VCAN: variants seen among roughly 807,000 people sequenced by gnomAD.
VCAN encodes the protein versican core protein.
Under a neutral mutation model 245.5 loss-of-function variants are expected in VCAN, and 44 were observed. The ratio of observed to expected loss-of-function variants is 0.18; its 90% CI spans 0.14 to 0.23. The LOEUF (loss-of-function observed/expected upper bound fraction) is 0.23. Ranked by LOEUF, VCAN falls within the 10% of genes least tolerant of loss-of-function variation. The pLI, the probability that VCAN is intolerant of heterozygous loss-of-function variation, is 1.00. For synonymous variants in VCAN, 1,413 were observed against 1,437.0 expected (o/e 0.98, Z 0.38); for missense variants, 3,793 against 4,057.9 (o/e 0.93, Z 1.77).
intron 7 of VCAN, among the ~76,000 whole-genome samples, chr5:83,529,109 T>C (rs1447108613): frequency 6.6e-6 from 1 of 151,816 alleles, no homozygotes; most frequent in Non-Finnish European, 1.5e-5. Context: ...TACAATATAC[T>C]AACTACATTA....
intron 9 of VCAN, 48 bp from the exon 10 acceptor site, chr5:83,547,923 T>C (rs779261933): frequency 2.3e-6 from 3 of 1,327,298 alleles, no homozygotes; most frequent in East Asian, 2.3e-5. Flanking sequence ...ATGGAATTCT[T>C]TGATACTTTT....
rs550424601 is a variant in VCAN, at chr5:83,537,698, T to A, written c.4695T>A (p.Ala1565=). The change falls in exon 8 of 15, where the codon GCT becomes GCA. Residue 1565 remains alanine (A), a synonymous_variant. Transcript: ENST00000265077. ...CTCAGAAAATAGCCTTTGCAAGGGC[T>A]ACAGAAGTAACATTTGGTGAAGAGG... The part of the protein sequence containing the change: ...QESQKIAFAR[A]TEVTFGEEVE... 4.3e-6 allele frequency: 7 copies of A among 1,613,984 alleles called. No homozygotes were observed. In the South Asian group the frequency reaches 6.6e-5, roughly 15 times the overall value.
chr5:83,511,173 G>A (rs756089053), intron 5 of VCAN, among the ~76,000 whole-genome samples: 2 of 150,986 alleles, frequency 1.3e-5, no homozygotes, highest in Admixed American at 6.6e-5. Context: ...ACGGAGTCTC[G>A]CTGTGTCGCC....
intron 12 of VCAN, among the ~76,000 whole-genome samples, chr5:83,566,631 A>G (rs1748087382): frequency 6.6e-6 from 1 of 152,120 alleles, no homozygotes; most frequent in South Asian, 2.1e-4. Flanking sequence ...GACTTTGCAA[A>G]GAACTGGGAA....
intron 3 of VCAN, 79 bp from the exon 4 acceptor site, chr5:83,493,467 C>T (rs1445220257): frequency 6.4e-7 from 1 of 1,564,204 alleles, no homozygotes; most frequent in Non-Finnish European, 8.8e-7. Flanking sequence ...TAAGTTGATA[C>T]ATTGCTCCAA....
intron 5 of VCAN, among the ~76,000 whole-genome samples, chr5:83,500,664 G>T (rs987806898): frequency 6.6e-6 from 1 of 152,084 alleles, no homozygotes; most frequent in Non-Finnish European, 1.5e-5. Context: ...TTCTTCTACT[G>T]CCATAAACTC....
At chr5:83,484,915 A>G (rs756679411) in intron 2 of VCAN, among the ~76,000 whole-genome samples, 1 of 152,210 alleles carries the variant, frequency 6.6e-6, no homozygotes, top group Non-Finnish European at 1.5e-5. Flanking sequence ...AGGAAGAAAC[A>G]TCGTGTGTTT....
At position 83,537,507 on chromosome 5, in the gene VCAN, C is replaced by T; in HGVS notation, c.4504C>T (p.Pro1502Ser). The change falls in exon 8 of 15, where the codon CCC (proline) becomes TCC (serine). Residue 1502 changes from proline to serine, a missense_variant. Around this residue, in one of 5 missense-constraint regions of VCAN, gnomAD observed 3,182 missense variants for 3,250.3 expected, o/e 0.98. Coordinates refer to ENST00000265077, the MANE Select transcript of VCAN (RefSeq NM_004385.5). ...HFSGGEPDVF[P>S]TVPFHEEFES... ...TTCAGGTGGTGAGCCTGATGTTTTC[C>T]CCACAGTCCCATTCCATGAGGAATT... The T allele has an allele frequency of 1.9e-6, 3 of 1,613,826 alleles. No homozygotes were observed. The highest frequency in any genetic ancestry group is 2.2e-5 in the East Asian group (1 of 44,858).
chr5:83,525,257 A>G (rs1746250480), intron 7 of VCAN, among the ~76,000 whole-genome samples: 1 of 152,072 alleles, frequency 6.6e-6, no homozygotes, highest in Non-Finnish European at 1.5e-5. Context: ...ACAGTGGTTC[A>G]GGGGATACTG....
chr5:83,501,974 A>G (rs1745342277), intron 5 of VCAN, among the ~76,000 whole-genome samples: 1 of 152,104 alleles, frequency 6.6e-6, no homozygotes. Flanking sequence ...ATTCAACAAT[A>G]TTTTGTTCTT....
intron 12 of VCAN, among the ~76,000 whole-genome samples, chr5:83,567,975 C>T (rs1309289269): frequency 6.6e-6 from 1 of 152,124 alleles, no homozygotes; most frequent in East Asian, 1.9e-4. Flanking sequence ...TTTTTCCCTG[C>T]TAATTCCAAG....
rs564269247 is a variant in VCAN at position 83,530,707 on chromosome 5, C to T, written c.4004-6300C>T. Among the ~76,000 whole-genome samples, 139 of 152,082 alleles carry T rather than the reference C, an allele frequency of 9.1e-4. 1 individual carries two copies. The South Asian group carries it at 0.011, about 13-fold the overall frequency. On this transcript the variant is annotated intron_variant, in intron 7 of 14. Coordinates refer to ENST00000265077, the MANE Select transcript of VCAN (RefSeq NM_004385.5). ...TTAGTTTTTAAGTGGCTTTGTTAAG[C>T]GAATAGCTCCAAGAATGGGGCCCAG... is the stretch of plus-strand genomic sequence containing the variant.
chr5:83,548,642 C>T (rs889132706), intron 10 of VCAN, among the ~76,000 whole-genome samples: 1 of 152,142 alleles, frequency 6.6e-6, no homozygotes, highest in African/African-American at 2.4e-5. Flanking sequence ...CTCATGATCC[C>T]TGTAATTTGC....
intron 7 of VCAN, among the ~76,000 whole-genome samples, chr5:83,528,760 A>G (rs1746399617): frequency 6.6e-6 from 1 of 152,180 alleles, no homozygotes; most frequent in Non-Finnish European, 1.5e-5. Context: ...GGTTTATGAC[A>G]TCTTAATTCA....
intron 7 of VCAN, among the ~76,000 whole-genome samples, chr5:83,532,878 A>AT (rs1298894323): frequency 1.3e-5 from 2 of 151,922 alleles, no homozygotes; most frequent in South Asian, 2.1e-4. Context: ...TTAGTAGACA[A>AT]TTTTTTTTCT....
chr5:83,555,613 G>A (rs757150243), intron 12 of VCAN, among the ~76,000 whole-genome samples: 7 of 152,124 alleles, frequency 4.6e-5, no homozygotes, highest in Non-Finnish European at 1.0e-4. Context: ...ACTGTAATAG[G>A]TTCTTAGAAC....
chr5:83,557,549 C>T (rs961854091), intron 12 of VCAN, among the ~76,000 whole-genome samples: 3 of 152,096 alleles, frequency 2.0e-5, no homozygotes, highest in African/African-American at 7.2e-5. Flanking sequence ...CATTATTCCC[C>T]TATGCCAAAG....
At chr5:83,548,914 C>T (rs145845008) in intron 10 of VCAN, among the ~76,000 whole-genome samples, 17 of 152,312 alleles carry the variant, frequency 1.1e-4, no homozygotes, top group Non-Finnish European at 2.2e-4. Context: ...CTGGATGTCA[C>T]TGCGATGAAT....
At chr5:83,474,348 T>C (rs1021124878) in intron 1 of VCAN, among the ~76,000 whole-genome samples, 3 of 151,906 alleles carry the variant, frequency 2.0e-5, no homozygotes, top group African/African-American at 7.3e-5. Flanking sequence ...AAGGGTTCGT[T>C]TCGGGGTTTG....
Sources: gnomAD v4.1 joint callset for allele counts (sites outside exome capture counted in the v4.1 genomes callset) on GRCh38, gnomAD v4.1.1 for gene constraint, gnomAD v4.1.1 regional missense constraint, MANE v1.5 for transcripts, NCBI Gene and HGNC (gene_info 2026-07-23, HGNC 2026-07-21) for gene names.